AKAP6: variants seen among roughly 807,000 people sequenced by gnomAD.
AKAP6 encodes A-kinase anchoring protein 6, also known as A-kinase anchor protein 6.
AKAP6 carries 58 observed loss-of-function variants against 188.5 expected under a neutral mutation model. The observed-to-expected ratio is 0.31, with a 90% confidence interval of 0.25 to 0.38. The LOEUF (loss-of-function observed/expected upper bound fraction) is 0.38, where lower values mean the gene tolerates loss of function less well. Among genes scored for constraint, AKAP6 ranks in the 10% least tolerant of loss-of-function variants. The pLI, the probability that AKAP6 is intolerant of heterozygous loss-of-function variation, is 1.00. For synonymous variants in AKAP6, 989 were observed against 998.6 expected (o/e 0.99, Z 0.18); for missense variants, 2,710 against 2,740.0 (o/e 0.99, Z 0.24).
chr14:32,753,121 T>C (rs2032202682), intron 11 of AKAP6, among the ~76,000 whole-genome samples: 1 of 152,184 alleles, frequency 6.6e-6, no homozygotes, highest in Non-Finnish European at 1.5e-5. Flanking sequence ...TTTAGGAAAC[T>C]TCATATTGTT....
rs1329185168 is a variant in AKAP6, at chr14:32,546,050, A to G, written c.1397A>G (p.Asn466Ser). Reference protein sequence around the residue: ...YECLHKVGNGNLENTVKFHIK... With the variant: ...YECLHKVGNGSLENTVKFHIK... ...TGTTTACACAAGGTGGGGAATGGGA[A>G]CCTTGAAAACACAGTCAAATTTCAC... is the stretch of plus-strand genomic sequence containing the variant. Residue 466 changes from asparagine to serine, a missense_variant, in exon 4 of 14, where the codon AAC becomes AGC. Transcript: ENST00000280979. 3.7e-6 allele frequency: 6 copies of G among 1,614,168 alleles called. No homozygotes were observed. The South Asian group carries it at 6.6e-5, about 18-fold the overall frequency.
intron 4 of AKAP6, among the ~76,000 whole-genome samples, chr14:32,551,624 C>G (rs538997765): frequency 2.8e-4 from 42 of 147,812 alleles, no homozygotes; most frequent in African/African-American, 9.9e-4. Flanking sequence ...TTTTACAGAT[C>G]TCACCACATT....
chr14:32,526,325 C>T (rs755060449), intron 2 of AKAP6, among the ~76,000 whole-genome samples: 4 of 152,122 alleles, frequency 2.6e-5, no homozygotes, highest in African/African-American at 7.2e-5. Context: ...CTCTGCCTCC[C>T]GGGGTCAAGT....
intron 7 of AKAP6, among the ~76,000 whole-genome samples, chr14:32,618,684 T>C (rs1886688219): frequency 6.6e-6 from 1 of 152,208 alleles, no homozygotes; most frequent in Admixed American, 6.5e-5. Flanking sequence ...TTTGATATAA[T>C]GACTTTGTTT....
At position 32,546,555 on chromosome 14, in the gene AKAP6, C is replaced by G. The variant is rs760787341; in HGVS notation, c.1902C>G (p.Pro634=). 6.2e-7 allele frequency: 1 copy of G among 1,614,152 alleles called. No homozygotes were observed. The highest frequency in any genetic ancestry group is 1.7e-5 in the Admixed American group (1 of 60,012). Residue 634 remains proline (P), a synonymous_variant, in exon 4 of 14, where the codon CCC becomes CCG. Coordinates refer to ENST00000280979, the MANE Select transcript of AKAP6 (RefSeq NM_004274.5). ...GCTCTGATGAATACCTAGCACTGCC[C>G]TCTCACCTTAAGCAGACAGAAGTAT... ...WYGSDEYLAL[P]SHLKQTEVLA... is the part of the protein sequence containing the mutation.
At chr14:32,359,170 G>A (rs1349629408) in intron 1 of AKAP6, among the ~76,000 whole-genome samples, 1 of 152,184 alleles carries the variant, frequency 6.6e-6, no homozygotes, top group Non-Finnish European at 1.5e-5. Flanking sequence ...GAGTGTTACA[G>A]TAGAGTTTTA....
chr14:32,525,433 A>T (rs1882071556), intron 2 of AKAP6, among the ~76,000 whole-genome samples: 2 of 152,214 alleles, frequency 1.3e-5, no homozygotes, highest in Non-Finnish European at 2.9e-5. Context: ...AGAACTTCTA[A>T]TTGGTCCTTT....
chr14:32,742,340 AT>A (rs149123724), intron 11 of AKAP6, among the ~76,000 whole-genome samples: 57,743 of 150,634 alleles, frequency 0.38, 11,380 homozygotes, highest in South Asian at 0.57. Flanking sequence ...GATCTTTTGT[AT>A]TTTTTTCTTC....
intron 12 of AKAP6, among the ~76,000 whole-genome samples, chr14:32,820,109 T>TA (rs2034481512): frequency 6.6e-6 from 1 of 152,060 alleles, no homozygotes; most frequent in South Asian, 2.1e-4. Flanking sequence ...GAAAGGTTAT[T>TA]AAGCAGCTTG....
At chr14:32,658,781 A>T (rs376725095) in intron 7 of AKAP6, among the ~76,000 whole-genome samples, 3 of 88,166 alleles carry the variant, frequency 3.4e-5, no homozygotes, top group African/African-American at 7.6e-5. Context: ...AGTCTTCTTT[A>T]AAAAAAAAAA....
chr14:32,462,916 A>AAAAAAAAC (rs1891389231), intron 2 of AKAP6, among the ~76,000 whole-genome samples: 3 of 93,778 alleles, frequency 3.2e-5, no homozygotes, highest in Admixed American at 1.1e-4. Flanking sequence ...AAAAAAAAAA[A>AAAAAAAAC]AAAAAAAAAA....
At chr14:32,757,508 G>A (rs866687849) in intron 11 of AKAP6, among the ~76,000 whole-genome samples, 4 of 152,244 alleles carry the variant, frequency 2.6e-5, no homozygotes, top group Admixed American at 2.0e-4. Flanking sequence ...AATGTTTAAT[G>A]AAAGGCATTG....
intron 12 of AKAP6, among the ~76,000 whole-genome samples, chr14:32,779,521 C>T (rs1027059627): frequency 1.2e-4 from 18 of 151,610 alleles, no homozygotes; most frequent in Non-Finnish European, 2.4e-4. Flanking sequence ...GTTGGAGTGG[C>T]TGTATTAATA....
At position 32,425,741 on chromosome 14, in the gene AKAP6, A is replaced by G. The variant is rs192869332; in HGVS notation, c.-34-7719A>G. Among the ~76,000 whole-genome samples, 24 of 152,300 alleles carry G rather than the reference A, an allele frequency of 1.6e-4. No individual in the cohort carries two copies. The East Asian group carries it at 4.4e-3, about 28-fold the overall frequency. ...TGTTTAAGTTTCTTATAGATGCTGGATAGTAGACCTTTGTTAGATGCATAG... is the reference window on the plus strand; with the variant it reads ...TGTTTAAGTTTCTTATAGATGCTGGGTAGTAGACCTTTGTTAGATGCATAG... On this transcript the variant is annotated intron_variant, in intron 1 of 13. Coordinates refer to ENST00000280979, the MANE Select transcript of AKAP6 (RefSeq NM_004274.5).
chr14:32,656,255 A>G (rs1297012381), intron 7 of AKAP6, among the ~76,000 whole-genome samples: 2 of 152,102 alleles, frequency 1.3e-5, no homozygotes, highest in Non-Finnish European at 2.9e-5. Flanking sequence ...TCTGCCCATC[A>G]AATTTAGTTA....
intron 8 of AKAP6, among the ~76,000 whole-genome samples, chr14:32,682,700 C>G (rs1284266946): frequency 1.3e-5 from 2 of 152,054 alleles, no homozygotes; most frequent in East Asian, 3.9e-4. Flanking sequence ...ACCTGTGGAG[C>G]TTTTAAGTAG....
chr14:32,540,192 A>ATATATATATTTTTTTT (rs1406480125), intron 3 of AKAP6, among the ~76,000 whole-genome samples: 3 of 123,424 alleles, frequency 2.4e-5, no homozygotes, highest in Admixed American at 8.2e-5. Context: ...ATATATATAT[A>ATATATATATTTTTTTT]TTTTAATTTT....
rs2034815710 is a variant in AKAP6 at position 32,831,315 on chromosome 14, C to T, written c.*1510C>T. On this transcript the variant is annotated 3_prime_UTR_variant, in exon 14 of 14. Transcript: ENST00000280979. ...GTAACACCTACTTAAGTGCCTGACA[C>T]AGTAGGTATTCAATAAAAATTTACT... The T allele has an allele frequency of 1.3e-5, 2 of 152,064 alleles. No individual in the cohort carries two copies. Among genetic ancestry groups the T allele is most frequent in the Non-Finnish European group, 2.9e-5 (2 of 68,012 alleles). 9.4% of individuals were successfully genotyped at this position (152,064 alleles called of 1,614,324 possible). A position where few individuals can be genotyped will look rare whatever the true frequency, so the allele number is the denominator to read the frequency against.
intron 4 of AKAP6, among the ~76,000 whole-genome samples, chr14:32,550,921 T>C (rs1006336568): frequency 2.0e-5 from 3 of 152,212 alleles, no homozygotes; most frequent in Admixed American, 1.3e-4. Context: ...TCTATTCTTC[T>C]CTCACTACAG....
Sources: gnomAD v4.1 joint callset for allele counts (sites outside exome capture counted in the v4.1 genomes callset) on GRCh38, gnomAD v4.1.1 for gene constraint, MANE v1.5 for transcripts, NCBI Gene and HGNC (gene_info 2026-07-23, HGNC 2026-07-21) for gene names.